Variants in KIAA0232 observed in about 807,000 individuals in gnomAD.
The protein encoded by KIAA0232 is uncharacterized protein KIAA0232.
A neutral mutation model predicts 122.0 loss-of-function variants in KIAA0232; 27 were observed. The ratio of observed to expected loss-of-function variants is 0.22; its 90% confidence interval spans 0.16 to 0.31. KIAA0232 has a LOEUF of 0.31. Ranked by LOEUF, KIAA0232 falls within the 10% of genes least tolerant of loss-of-function variation. KIAA0232 has a pLI of 1.00. For missense variants in KIAA0232, 1,551 were observed against 1,634.2 expected, an observed-to-expected ratio of 0.95 and a Z score of 0.88; for synonymous variants, 613 against 587.6, an observed-to-expected ratio of 1.04 and a Z score of -0.63.
chr4:6,816,288 G>T (rs1343643795), intron 2 of KIAA0232, among the ~76,000 whole-genome samples: 11 of 142,620 alleles, frequency 7.7e-5, no homozygotes, highest in African/African-American at 1.5e-4. Context: ...TCTTTTTTTT[G>T]TTTTTTTTTT....
At chr4:6,791,124 T>C (rs1378956264) in intron 1 of KIAA0232, among the ~76,000 whole-genome samples, 3 of 151,404 alleles carry the variant, frequency 2.0e-5, no homozygotes, top group Non-Finnish European at 2.9e-5. Context: ...TTTGCCATGT[T>C]GCCCAGGCTG....
chr4:6,870,796 T>C (rs1721435543), intron 7 of KIAA0232, among the ~76,000 whole-genome samples: 1 of 100,122 alleles, frequency 1.0e-5, no homozygotes, highest in African/African-American at 3.9e-5. Context: ...AGTGAGACTC[T>C]GTCTTGGAAA....
intron 3 of KIAA0232, among the ~76,000 whole-genome samples, chr4:6,825,921 A>G (rs1465373734): frequency 1.3e-5 from 2 of 152,192 alleles, no homozygotes; most frequent in African/African-American, 4.8e-5. Flanking sequence ...TCAAAGTCCT[A>G]TAAATAACAC....
chr4:6,855,063 G>GATTTTTT lies in KIAA0232; in HGVS notation c.370-2079_370-2073dup, dbSNP rs1336129824. ...TGTGATGGTGACCCAGGGTTCTCAT[G>GATTTTTT]ATTTTTTATTTTTTATTTTTTATTT... On this transcript the variant is annotated intron_variant, in intron 4 of 9. Transcript: ENST00000307659. This position sits in a 1 kb window ranked among gnomAD's most constrained non-coding sequence, Gnocchi z 4.3. Among the ~76,000 whole-genome samples the GATTTTTT allele has an allele frequency of 6.6e-6, 1 of 151,838 alleles. No homozygotes were observed. The highest frequency in any genetic ancestry group is 1.5e-5 in the Non-Finnish European group (1 of 67,924).
Position 6,863,522 on chromosome 4 carries a change from C to G in KIAA0232, c.3140C>G (p.Pro1047Arg), listed in dbSNP as rs1168252443. 6.2e-7 allele frequency: 1 copy of G among 1,614,150 alleles called. No individual in the cohort carries two copies. Among genetic ancestry groups the G allele is most frequent in the Non-Finnish European group, 8.5e-7 (1 of 1,180,022 alleles). ...YSFSSFDLSN[P>R]FSQVLHVECS... ...TTTTCTTCCTTTGACTTAAGCAATC[C>G]ATTTTCACAAGTTCTTCATGTAGAA... The change falls in exon 7 of 10, where the codon CCA becomes CGA. Residue 1047 changes from proline (P) to arginine (R), a missense_variant. Physicochemically the swap from Pro to Arg is moderately radical, Grantham distance 103. Around this residue, in one of 5 missense-constraint regions of KIAA0232, gnomAD observed 1,108 missense variants for 1,154.8 expected, o/e 0.96. Transcript: ENST00000307659.
In KIAA0232 at chr4:6,883,416, TC is replaced by T. The variant is rs1386238437; in HGVS notation, c.*2452del. ...TAGCAAAGCTTCTTTTGTAAAGAACTCCAGCTTCCTTTTACTCATGAGCATC... is the reference window on the plus strand; with the variant it reads ...TAGCAAAGCTTCTTTTGTAAAGAACTCAGCTTCCTTTTACTCATGAGCATC... On this transcript the variant is annotated 3_prime_UTR_variant, in exon 10 of 10. Coordinates refer to ENST00000307659, the MANE Select transcript of KIAA0232 (RefSeq NM_014743.3). 1 of 152,398 alleles carries T rather than the reference TC, an allele frequency of 6.6e-6. No homozygotes were observed. The highest frequency in any genetic ancestry group is 1.5e-5 in the Non-Finnish European group (1 of 68,042). The allele number at this position is 152,398 out of a possible 1,614,324, so 9.4% of individuals were successfully genotyped here.
chr4:6,830,779 T>C (rs1439787448), intron 3 of KIAA0232, among the ~76,000 whole-genome samples: 2 of 152,044 alleles, frequency 1.3e-5, no homozygotes, highest in Non-Finnish European at 2.9e-5. Flanking sequence ...TTTTTGTGTA[T>C]GTGTGTCCAG....
Position 6,859,100 on chromosome 4 carries a change from T to TAA in KIAA0232, c.518+616_518+617dup, listed in dbSNP as rs34866239. Among the ~76,000 whole-genome samples the TAA allele has an allele frequency of 7.4e-3, 782 of 106,250 alleles. 10 individuals are homozygous for TAA. The highest frequency in any genetic ancestry group is 0.025 in the African/African-American group (687 of 27,508). The allele number at this position is 106,250 out of a possible 152,430, so 69.7% of individuals were successfully genotyped here. The stretch of plus-strand genomic sequence containing the variant: ...ACGACAGAGCGAGACTCTGTCTTAT[T>TAA]AAAAAAAAAAAAAAAAAAAAAAACA... On this transcript the variant is annotated intron_variant, in intron 6 of 9. Coordinates refer to ENST00000307659, the MANE Select transcript of KIAA0232 (RefSeq NM_014743.3).
intron 3 of KIAA0232, among the ~76,000 whole-genome samples, chr4:6,826,781 A>G (rs1464386189): frequency 6.6e-6 from 1 of 152,224 alleles, no homozygotes; most frequent in Non-Finnish European, 1.5e-5. Flanking sequence ...TTTTCAGTCT[A>G]CAATATTTAA....
At chr4:6,809,415 T>C (rs1160835940) in intron 2 of KIAA0232, among the ~76,000 whole-genome samples, 1 of 152,184 alleles carries the variant, frequency 6.6e-6, no homozygotes, top group African/African-American at 2.4e-5. Flanking sequence ...GTGCAGATCT[T>C]ATTTTCTCTG....
chr4:6,826,381 C>G (rs1230987629), intron 3 of KIAA0232, among the ~76,000 whole-genome samples: 1 of 152,132 alleles, frequency 6.6e-6, no homozygotes, highest in Non-Finnish European at 1.5e-5. Flanking sequence ...TGCTCCTTTA[C>G]AGGCAAGTAA....
chr4:6,861,812 T>C lies in KIAA0232; in HGVS notation c.1430T>C (p.Ile477Thr). 1.9e-6 allele frequency: 3 copies of C among 1,614,072 alleles called. No homozygotes were observed. The highest frequency in any genetic ancestry group is 2.5e-6 in the Non-Finnish European group (3 of 1,179,944). ...DGHFVEMPAVINEDIDLTGTS... is the reference protein window; with the variant it reads ...DGHFVEMPAVTNEDIDLTGTS... The stretch of plus-strand genomic sequence containing the variant: ...CATTTTGTAGAAATGCCTGCAGTTA[T>C]AAATGAGGATATTGACCTCACTGGG... Residue 477 changes from isoleucine to threonine, a missense_variant, in exon 7 of 10, where the codon ATA (isoleucine) becomes ACA (threonine). Around this residue, in one of 5 missense-constraint regions of KIAA0232, gnomAD observed 1,108 missense variants for 1,154.8 expected, o/e 0.96. Transcript: ENST00000307659.
chr4:6,872,971 A>G (rs1437164980), intron 8 of KIAA0232, among the ~76,000 whole-genome samples: 1 of 152,168 alleles, frequency 6.6e-6, no homozygotes, highest in Non-Finnish European at 1.5e-5. Context: ...CCTCCTTCCC[A>G]GAGGTTCATC....
chr4:6,807,579 G>C (rs531956397), intron 2 of KIAA0232, among the ~76,000 whole-genome samples: 2 of 152,144 alleles, frequency 1.3e-5, no homozygotes, highest in African/African-American at 2.4e-5. Context: ...CCATTTCTAC[G>C]TAGCTTTTCA....
chr4:6,785,272 T>C (rs1269000375), intron 1 of KIAA0232, among the ~76,000 whole-genome samples: 1 of 152,200 alleles, frequency 6.6e-6, no homozygotes, highest in Non-Finnish European at 1.5e-5. Flanking sequence ...AGTGGTAATA[T>C]AGGGTAATGT....
chr4:6,862,456 A>G lies in KIAA0232; in HGVS notation c.2074A>G (p.Thr692Ala). The change falls in exon 7 of 10, where the codon ACC (threonine) becomes GCC (alanine). Residue 692 changes from threonine (T) to alanine (A), a missense_variant. Thr to Ala is a moderately conservative substitution (Grantham distance 58, BLOSUM62 0). This residue lies in a region of KIAA0232 where 1,108 missense variants were observed against 1,154.8 expected (regional missense o/e 0.96). Transcript: ENST00000307659. Reference sequence around the variant, plus strand: ...AACACAGTCTAGATTGCTAATATGGACCAAAAATAGTGCCTTTGAAGAAAA... The same window carrying G: ...AACACAGTCTAGATTGCTAATATGGGCCAAAAATAGTGCCTTTGAAGAAAA... The part of the protein sequence containing the change: ...GKTQSRLLIW[T>A]KNSAFEENEH... The G allele has an allele frequency of 6.2e-7, 1 of 1,614,148 alleles. No homozygotes were observed. The highest frequency in any genetic ancestry group is 8.5e-7 in the Non-Finnish European group (1 of 1,180,024).
intron 4 of KIAA0232, among the ~76,000 whole-genome samples, chr4:6,854,654 A>C (rs1325399161): frequency 6.6e-6 from 1 of 152,202 alleles, no homozygotes; most frequent in African/African-American, 2.4e-5. Flanking sequence ...AACGGTTTGC[A>C]GAGTGTTTTA....
intron 3 of KIAA0232, among the ~76,000 whole-genome samples, chr4:6,837,139 C>T (rs1719342317): frequency 6.6e-6 from 1 of 151,896 alleles, no homozygotes; most frequent in African/African-American, 2.4e-5. Flanking sequence ...GGGGGCTGCC[C>T]CCCACCTCCC....
At chr4:6,807,631 G>T (rs147819340) in intron 2 of KIAA0232, among the ~76,000 whole-genome samples, 4 of 152,156 alleles carry the variant, frequency 2.6e-5, no homozygotes, top group Non-Finnish European at 5.9e-5. Flanking sequence ...ATAGCCCTTG[G>T]TTCCTGTTTT....
Sources: allele counts gnomAD v4.1 joint callset (sites outside exome capture counted in the v4.1 genomes callset), GRCh38; gene constraint gnomAD v4.1.1; regional missense constraint gnomAD v4.1.1; non-coding constraint Gnocchi (gnomAD v3.1); transcripts MANE v1.5; gene names NCBI Gene and HGNC (gene_info 2026-07-23, HGNC 2026-07-21).